Variants in CDK13 observed in about 807,000 individuals in gnomAD.
CDK13 encodes cyclin-dependent kinase 13.
A neutral mutation model predicts 137.6 loss-of-function variants in CDK13; 40 were observed. The observed-to-expected ratio is 0.29, with a 90% confidence interval of 0.23 to 0.38. The LOEUF is 0.38. Ranked by LOEUF, CDK13 falls within the 10% of genes least tolerant of loss-of-function variation. CDK13 has a pLI of 1.00. For synonymous variants in CDK13, 869 were observed against 760.1 expected (o/e 1.14, Z -2.36); for missense variants, 1,704 against 1,951.8 (o/e 0.87, Z 2.39).
At chr7:40,079,158 C>T (rs535137744) in intron 11 of CDK13, among the ~76,000 whole-genome samples, 128 of 150,640 alleles carry the variant, frequency 8.5e-4, no homozygotes, top group African/African-American at 3.0e-3. Flanking sequence ...CGGTGGCTCA[C>T]GCCTATAATC....
chr7:39,959,743 G>T (rs1327500373), intron 1 of CDK13, among the ~76,000 whole-genome samples: 2 of 151,750 alleles, frequency 1.3e-5, no homozygotes, highest in East Asian at 3.9e-4. Flanking sequence ...GGGATTACAG[G>T]TGTGAACCAC....
In CDK13 at chr7:40,098,515, T is replaced by A. The variant is rs2150551057; in HGVS notation, c.*3535T>A. On this transcript the variant is annotated 3_prime_UTR_variant, in exon 14 of 14. Coordinates refer to ENST00000181839, the MANE Select transcript of CDK13 (RefSeq NM_003718.5). ...AGATAGCTAATTCCCTGGGATATAA[T>A]ATCCTTTCAATTTTTTTTTTTTTTT... is the stretch of plus-strand genomic sequence containing the variant. 1 of 150,612 alleles carries A rather than the reference T, an allele frequency of 6.6e-6. No individual in the cohort carries two copies. Among genetic ancestry groups the A allele is most frequent in the Admixed American group, 6.6e-5 (1 of 15,232 alleles). The allele number at this position is 150,612 out of a possible 1,614,324, so 9.3% of individuals were successfully genotyped here. A position where few individuals can be genotyped will look rare whatever the true frequency, so the allele number is the denominator to read the frequency against.
chr7:39,988,447 T>C (rs1784387975), intron 2 of CDK13, among the ~76,000 whole-genome samples, 189 bp downstream of exon 2: 2 of 152,138 alleles, frequency 1.3e-5, no homozygotes. Flanking sequence ...AATTAAAGTT[T>C]ATACTAAGAC....
Position 39,951,069 on chromosome 7 carries a change from T to G in CDK13, c.428T>G (p.Leu143Arg). ...AGTAGCGGCGGGGGTGTGACCCCGC[T>G]GGTGGAATACGAGGATGTGAGCTCC... is the stretch of plus-strand genomic sequence containing the variant. The part of the protein sequence containing the change: ...GASSGGGVTP[L>R]VEYEDVSSQS... The change falls in exon 1 of 14, where the codon CTG (leucine) becomes CGG (arginine). Residue 143 changes from leucine (L) to arginine (R), a missense_variant. Leu to Arg is a moderately radical substitution (Grantham distance 102). Around this residue, in one of 5 missense-constraint regions of CDK13, gnomAD observed 1,051 missense variants for 931.0 expected, o/e 1.13. Coordinates refer to ENST00000181839, the MANE Select transcript of CDK13 (RefSeq NM_003718.5). 1 of 1,273,196 alleles carries G rather than the reference T, an allele frequency of 7.9e-7. No individual in the cohort carries two copies. The highest frequency in any genetic ancestry group is 9.9e-7 in the Non-Finnish European group (1 of 1,011,652). The allele number at this position is 1,273,196 out of a possible 1,614,324, so 78.9% of individuals were successfully genotyped here.
At chr7:40,064,496 A>T (rs923321667) in intron 9 of CDK13, among the ~76,000 whole-genome samples, 2 of 152,166 alleles carry the variant, frequency 1.3e-5, no homozygotes, top group Non-Finnish European at 2.9e-5. Flanking sequence ...GGACCTCAAC[A>T]TCATATCATA....
intron 5 of CDK13, among the ~76,000 whole-genome samples, chr7:40,009,707 G>GA (rs1784857338): frequency 6.6e-6 from 1 of 152,098 alleles, no homozygotes; most frequent in Admixed American, 6.6e-5. Flanking sequence ...TTGTTTTCCA[G>GA]AAAAAAGGTG....
chr7:39,962,756 G>C (rs962050676), intron 1 of CDK13, among the ~76,000 whole-genome samples: 3 of 151,328 alleles, frequency 2.0e-5, no homozygotes, highest in African/African-American at 7.3e-5. Flanking sequence ...TAGGCTTTTA[G>C]GTCTAACATT....
chr7:39,997,109 A>G (rs967152729), intron 2 of CDK13, among the ~76,000 whole-genome samples: 1 of 152,138 alleles, frequency 6.6e-6, no homozygotes, highest in African/African-American at 2.4e-5. Flanking sequence ...TTTTTATAAC[A>G]GTCTTACATT....
chr7:40,021,726 T>G (rs1785130638), intron 5 of CDK13, among the ~76,000 whole-genome samples: 1 of 151,746 alleles, frequency 6.6e-6, no homozygotes, highest in Admixed American at 6.6e-5. Flanking sequence ...ATTCAGTTAA[T>G]CATCATAACA....
chr7:40,043,716 A>G (rs547428530), intron 5 of CDK13, among the ~76,000 whole-genome samples: 1 of 151,852 alleles, frequency 6.6e-6, no homozygotes, highest in African/African-American at 2.4e-5. Flanking sequence ...GACCCCAACT[A>G]TACTTGGAAG....
intron 13 of CDK13, 69 bp from the exon 14 acceptor site, chr7:40,094,061 C>A: frequency 6.5e-7 from 1 of 1,530,372 alleles, no homozygotes; most frequent in South Asian, 1.2e-5. Context: ...CTACAGGAAA[C>A]ACTGAGTATT....
At chr7:39,956,000 AATT>A (rs1316295360) in intron 1 of CDK13, among the ~76,000 whole-genome samples, 3 of 152,144 alleles carry the variant, frequency 2.0e-5, no homozygotes, top group African/African-American at 7.2e-5. Flanking sequence ...AAATAAGAAA[AATT>A]ATTGTTATAT....
intron 5 of CDK13, among the ~76,000 whole-genome samples, chr7:40,033,005 AGTCT>A (rs1211852060): frequency 6.6e-6 from 1 of 152,160 alleles, no homozygotes; most frequent in Non-Finnish European, 1.5e-5. Flanking sequence ...GACAGTGTGG[AGTCT>A]GTCTATGTGC....
intron 4 of CDK13, among the ~76,000 whole-genome samples, chr7:40,000,858 A>T (rs1261459713): frequency 1.3e-5 from 2 of 152,174 alleles, no homozygotes; most frequent in Non-Finnish European, 2.9e-5. Context: ...ACAAACCTTT[A>T]TTATAGTGAA....
At chr7:40,042,390 T>C (rs1347874688) in intron 5 of CDK13, among the ~76,000 whole-genome samples, 3 of 151,778 alleles carry the variant, frequency 2.0e-5, no homozygotes, top group Admixed American at 6.6e-5. Flanking sequence ...CGTTTTTGTA[T>C]TGATTTGTAA....
intron 11 of CDK13, among the ~76,000 whole-genome samples, chr7:40,086,809 CTTTTT>C (rs35337864): frequency 2.2e-4 from 27 of 122,482 alleles, no homozygotes; most frequent in Non-Finnish European, 8.4e-5. Context: ...TAGCCTTACT[CTTTTT>C]TTTTTTTTTT....
rs1167720155 is a variant in CDK13, at chr7:40,021,799, C to A, written c.2353+19768C>A. Among the ~76,000 whole-genome samples the A allele has an allele frequency of 5.4e-4, 82 of 152,008 alleles. 1 individual carries two copies. Among genetic ancestry groups the A allele is most frequent in the Non-Finnish European group, 5.9e-4 (40 of 67,838 alleles). On this transcript the variant is annotated intron_variant, in intron 5 of 13. Coordinates refer to ENST00000181839, the MANE Select transcript of CDK13 (RefSeq NM_003718.5). ...GTATAGGAAAAGTTAGAATTTTTGTCATGCACTAAATATGTGAAAAATAGC... is the reference window on the plus strand; with the variant it reads ...GTATAGGAAAAGTTAGAATTTTTGTAATGCACTAAATATGTGAAAAATAGC...
intron 1 of CDK13, among the ~76,000 whole-genome samples, chr7:39,973,763 T>C (rs1784049367): frequency 6.6e-6 from 1 of 152,220 alleles, no homozygotes; most frequent in Admixed American, 6.5e-5. Context: ...GTTTTTTGTA[T>C]GGTGAAAGGA....
At chr7:40,066,113 G>T (rs1786274193) in intron 9 of CDK13, among the ~76,000 whole-genome samples, 1 of 152,192 alleles carries the variant, frequency 6.6e-6, no homozygotes, top group African/African-American at 2.4e-5. Flanking sequence ...AAGCTGAGGT[G>T]AGAGGATTAC....
Sources: allele counts gnomAD v4.1 joint callset (sites outside exome capture counted in the v4.1 genomes callset), GRCh38; gene constraint gnomAD v4.1.1; regional missense constraint gnomAD v4.1.1; transcripts MANE v1.5; gene names NCBI Gene and HGNC (gene_info 2026-07-23, HGNC 2026-07-21).